The following CLSTN2 variants were observed in gnomAD, a reference collection of about 807,000 sequenced individuals.
The protein encoded by CLSTN2 is calsyntenin 2, also known as calsyntenin-2.
In CLSTN2, 48 loss-of-function variants were observed where a neutral mutation model predicts 101.2. The observed-to-expected ratio is 0.47, with a 90% CI of 0.38 to 0.60. The LOEUF is 0.60. CLSTN2 is among the 20% of genes least tolerant of loss of function. CLSTN2 has a pLI of 0.00. For synonymous variants in CLSTN2, 481 were observed against 463.6 expected, an observed-to-expected ratio of 1.04 and a Z score of -0.48; for missense variants, 1,160 against 1,238.2, an observed-to-expected ratio of 0.94 and a Z score of 0.95.
At chr3:139,951,152 G>C (rs1935287735) in intron 1 of CLSTN2, among the ~76,000 whole-genome samples, 1 of 152,072 alleles carries the variant, frequency 6.6e-6, no homozygotes, top group Non-Finnish European at 1.5e-5. Context: ...TGGTATGCTG[G>C]GGGCCATTCA....
In CLSTN2 at chr3:140,569,988, C is replaced by G. The variant is rs1985475784; in HGVS notation, c.*3735C>G. ...CCACCGCACCCAGCCCTCATTACCA[C>G]TTTCTTGAATTTACTCAATCATCCT... On this transcript the variant is annotated 3_prime_UTR_variant, in exon 17 of 17. Coordinates refer to ENST00000458420, the MANE Select transcript of CLSTN2 (RefSeq NM_022131.3). 6.6e-6 allele frequency: 1 copy of G among 152,156 alleles called. No homozygotes were observed. Among genetic ancestry groups the G allele is most frequent in the Admixed American group, 6.5e-5 (1 of 15,272 alleles). 9.4% of individuals were successfully genotyped at this position (152,156 alleles called of 1,614,324 possible). A position where few individuals can be genotyped will look rare whatever the true frequency, so the allele number is the denominator to read the frequency against.
At chr3:140,310,330 C>G (rs1357173765) in intron 2 of CLSTN2, among the ~76,000 whole-genome samples, 1 of 152,082 alleles carries the variant, frequency 6.6e-6, no homozygotes, top group Non-Finnish European at 1.5e-5. Flanking sequence ...TCTCCCCAGC[C>G]TCTGTCGCAC....
chr3:140,439,417 T>A (rs892670697), intron 5 of CLSTN2, among the ~76,000 whole-genome samples: 1 of 152,184 alleles, frequency 6.6e-6, no homozygotes, highest in African/African-American at 2.4e-5. Context: ...GTCTGCCAGA[T>A]AGATGTGAAG....
At position 140,562,872 on chromosome 3, in the gene CLSTN2, T is replaced by C. The variant is rs760510926; in HGVS notation, c.2274T>C (p.Arg758=). ...VLHHIRYRNW[R]PASLEARRFR... ...ATCACATCCGCTACCGCAACTGGCG[T>C]CCGGCTTCCCTTGAGGCCCGGCGTT... The change falls in exon 14 of 17, where the codon CGT becomes CGC. Residue 758 remains arginine, a synonymous_variant. Transcript: ENST00000458420. 1 of 1,614,136 alleles carries C rather than the reference T, an allele frequency of 6.2e-7. No individual in the cohort carries two copies. Among genetic ancestry groups the C allele is most frequent in the Non-Finnish European group, 8.5e-7 (1 of 1,180,006 alleles).
intron 1 of CLSTN2, among the ~76,000 whole-genome samples, chr3:140,094,135 C>T (rs2008828462): frequency 6.6e-6 from 1 of 152,300 alleles, no homozygotes; most frequent in East Asian, 1.9e-4. Flanking sequence ...GACGTTAACC[C>T]TCAACCCCAA....
In CLSTN2 at chr3:140,104,882, G is replaced by A. The variant is rs370921270; in HGVS notation, c.110-71069G>A. Among the ~76,000 whole-genome samples the A allele has an allele frequency of 1.8e-4, 27 of 152,324 alleles. 1 individual carries two copies. The highest frequency in any genetic ancestry group is 6.5e-4 in the African/African-American group (27 of 41,576). ...AGTCCCAGCTATCCTGGAGGCTGAG[G>A]CACAAGAATCACTTGAGCTTCAGAG... On this transcript the variant is annotated intron_variant, in intron 1 of 16. Transcript: ENST00000458420.
intron 2 of CLSTN2, among the ~76,000 whole-genome samples, chr3:140,244,653 T>C (rs1433351720): frequency 6.6e-6 from 1 of 152,138 alleles, no homozygotes; most frequent in Non-Finnish European, 1.5e-5. Flanking sequence ...AGTAAGAAAA[T>C]GGCCTCTCTC....
chr3:140,274,713 C>T (rs1235039841), intron 2 of CLSTN2, among the ~76,000 whole-genome samples: 1 of 151,928 alleles, frequency 6.6e-6, no homozygotes, highest in Non-Finnish European at 1.5e-5. Context: ...GGTCTGGGCT[C>T]GAGAGGCAGT....
In CLSTN2 at chr3:140,018,887, C is replaced by T. The variant is rs1018675846; in HGVS notation, c.109+83404C>T. On this transcript the variant is annotated intron_variant, in intron 1 of 16. Coordinates refer to ENST00000458420, the MANE Select transcript of CLSTN2 (RefSeq NM_022131.3). ...TCAACTTATGTGTTCTCTAATGTTA[C>T]TCATATTTTAAATACTTACTGATTT... Among the ~76,000 whole-genome samples, 5 of 152,184 alleles carry T rather than the reference C, an allele frequency of 3.3e-5. No individual in the cohort carries two copies. The East Asian group carries it at 7.7e-4, about 23-fold the overall frequency.
At chr3:140,356,935 C>T (rs1261647782) in intron 2 of CLSTN2, among the ~76,000 whole-genome samples, 7 of 152,060 alleles carry the variant, frequency 4.6e-5, no homozygotes, top group Admixed American at 2.0e-4. Flanking sequence ...GATAGCATGC[C>T]AGTGATATAG....
intron 1 of CLSTN2, among the ~76,000 whole-genome samples, chr3:140,053,562 G>A (rs1316395228): frequency 1.3e-5 from 2 of 152,162 alleles, no homozygotes; most frequent in African/African-American, 2.4e-5. Context: ...GACTGCCCAG[G>A]AGCCAGCTCG....
chr3:140,053,266 C>A (rs1298035981), intron 1 of CLSTN2, among the ~76,000 whole-genome samples: 1 of 152,152 alleles, frequency 6.6e-6, no homozygotes, highest in Admixed American at 6.5e-5. Flanking sequence ...GTGTAAGTGA[C>A]CTTGGCCCCT....
intron 1 of CLSTN2, among the ~76,000 whole-genome samples, chr3:140,096,016 A>G (rs2008863606): frequency 1.3e-5 from 2 of 152,186 alleles, no homozygotes; most frequent in African/African-American, 4.8e-5. Context: ...GAGGAAATTT[A>G]AGGACACTGG....
In CLSTN2 at chr3:140,568,615, T is replaced by C. The variant is rs1985400672; in HGVS notation, c.*2362T>C. On this transcript the variant is annotated 3_prime_UTR_variant, in exon 17 of 17. Transcript: ENST00000458420. ...GAGCAACTGAATTCTCCCAAAATTG[T>C]GGCAGCAAAAAGAACACTTCATATG... is the stretch of plus-strand genomic sequence containing the variant. 3.3e-5 allele frequency: 5 copies of C among 152,250 alleles called. No homozygotes were observed. 9.4% of individuals were successfully genotyped at this position (152,250 alleles called of 1,614,324 possible). A position where few individuals can be genotyped will look rare whatever the true frequency, so the allele number is the denominator to read the frequency against.
chr3:140,447,308 G>C (rs988680941), intron 5 of CLSTN2, among the ~76,000 whole-genome samples: 3 of 152,220 alleles, frequency 2.0e-5, no homozygotes, highest in Non-Finnish European at 4.4e-5. Context: ...CTGCACATAA[G>C]TCTGGCTGAG....
intron 1 of CLSTN2, among the ~76,000 whole-genome samples, chr3:140,144,681 C>T (rs187215229): frequency 6.6e-6 from 1 of 152,188 alleles, no homozygotes; most frequent in African/African-American, 2.4e-5. Context: ...TTTCAGGGCC[C>T]ATAAAACCAA....
intron 1 of CLSTN2, among the ~76,000 whole-genome samples, chr3:140,034,318 G>T (rs1308524898): frequency 6.6e-6 from 1 of 152,128 alleles, no homozygotes; most frequent in Non-Finnish European, 1.5e-5. Context: ...TAGTGCTATG[G>T]GGAAGCAACT....
intron 6 of CLSTN2, among the ~76,000 whole-genome samples, chr3:140,453,656 A>G (rs1933308077): frequency 1.3e-5 from 2 of 152,180 alleles, no homozygotes; most frequent in South Asian, 2.1e-4. Context: ...TGAATGGTAG[A>G]TTTGCTAATT....
intron 2 of CLSTN2, among the ~76,000 whole-genome samples, chr3:140,297,414 T>C (rs970978543): frequency 2.0e-5 from 3 of 152,232 alleles, no homozygotes; most frequent in Admixed American, 2.0e-4. Context: ...TGTTACTACA[T>C]CTTCCCTTTC....
Sources: allele counts gnomAD v4.1 joint callset (sites outside exome capture counted in the v4.1 genomes callset), GRCh38; gene constraint gnomAD v4.1.1; transcripts MANE v1.5; gene names NCBI Gene and HGNC (gene_info 2026-07-23, HGNC 2026-07-21).